ZC3H13: variants seen among roughly 807,000 people sequenced by gnomAD.
ZC3H13 encodes the protein zinc finger CCCH-type containing 13.
Under a neutral mutation model 204.1 loss-of-function variants are expected in ZC3H13, and 64 were observed. That is an observed-to-expected ratio of 0.31 (90% confidence interval 0.26 to 0.39). ZC3H13 has a LOEUF of 0.39. Among genes scored for constraint, ZC3H13 ranks in the 10% least tolerant of loss-of-function variants. The pLI is 1.00. For synonymous variants in ZC3H13, 667 were observed against 693.7 expected (o/e 0.96, Z 0.60); for missense variants, 1,833 against 2,082.7 (o/e 0.88, Z 2.33).
At chr13:46,013,165 C>T (rs570346758) in intron 5 of ZC3H13, among the ~76,000 whole-genome samples, 2 of 152,280 alleles carry the variant, frequency 1.3e-5, no homozygotes, top group Admixed American at 1.3e-4. Context: ...CCTGTAAGCT[C>T]AGCACTTTGG....
At chr13:45,976,203 C>T (rs1173637012) in intron 11 of ZC3H13, 1 of 985,040 alleles carries the variant, frequency 1.0e-6, no homozygotes, top group Non-Finnish European at 1.2e-6. Flanking sequence ...TCTGTCCCCC[C>T]AGCAGGACCT....
At position 45,979,871 on chromosome 13, in the gene ZC3H13, C is replaced by T. The variant is rs1389036306; in HGVS notation, c.1854G>A (p.Arg618=). ...YPERDNRDQA[R]DSSFERRHGE... ...CATGTCTTCTCTCAAAGGAAGAATC[C>T]CTTGCTTGATCTCTGTTGTCTCTTT... Residue 618 remains arginine (R), a synonymous_variant, in exon 11 of 19, where the codon AGG becomes AGA. Coordinates refer to ENST00000679008, the MANE Select transcript of ZC3H13 (RefSeq NM_001330564.2). The T allele has an allele frequency of 6.2e-7, 1 of 1,607,564 alleles. No individual in the cohort carries two copies. Among genetic ancestry groups the T allele is most frequent in the Admixed American group, 1.7e-5 (1 of 59,310 alleles).
chr13:45,995,581 C>T (rs1349608480), intron 8 of ZC3H13, among the ~76,000 whole-genome samples: 3 of 152,212 alleles, frequency 2.0e-5, no homozygotes, highest in Non-Finnish European at 2.9e-5. Flanking sequence ...TACACCCACA[C>T]CCCACATTAT....
chr13:45,959,383 C>T (rs2137723007), intron 18 of ZC3H13, 100 bp downstream of exon 18: 1 of 1,228,364 alleles, frequency 8.1e-7, no homozygotes, highest in African/African-American at 1.6e-5. Context: ...AAACCAAACT[C>T]ATAAAAACAT....
At chr13:46,048,846 T>G (rs118114921) in intron 1 of ZC3H13, among the ~76,000 whole-genome samples, 5 of 152,044 alleles carry the variant, frequency 3.3e-5, no homozygotes, top group Non-Finnish European at 7.4e-5. Context: ...TAAGTAAAAA[T>G]GTGGCCAAGC....
intron 12 of ZC3H13, among the ~76,000 whole-genome samples, chr13:45,970,748 G>T (rs1952517303): frequency 6.6e-6 from 1 of 152,048 alleles, no homozygotes. Context: ...CTGTAAGGTG[G>T]TAACATGCAG....
intron 6 of ZC3H13, 38 bp from the exon 7 acceptor site, chr13:46,010,543 C>T: frequency 1.3e-6 from 2 of 1,585,296 alleles, no homozygotes; most frequent in South Asian, 2.2e-5. Context: ...AGAAATTCCT[C>T]CACTTATGGT....
At chr13:45,987,914 A>G (rs924492433) in intron 9 of ZC3H13, among the ~76,000 whole-genome samples, 14 of 152,214 alleles carry the variant, frequency 9.2e-5, no homozygotes, top group Non-Finnish European at 1.8e-4. Flanking sequence ...GCCAGGTAAC[A>G]ATAAAATCTC....
At chr13:46,005,629 A>ATAGG (rs1466704265) in intron 7 of ZC3H13, among the ~76,000 whole-genome samples, 3 of 152,110 alleles carry the variant, frequency 2.0e-5, no homozygotes, top group Non-Finnish European at 4.4e-5. Context: ...AGCTAGGAGT[A>ATAGG]TAGGTGCATA....
chr13:46,028,903 AC>A (rs1301666913), intron 4 of ZC3H13, among the ~76,000 whole-genome samples: 1 of 152,138 alleles, frequency 6.6e-6, no homozygotes, highest in Non-Finnish European at 1.5e-5. Flanking sequence ...AACAAAAAGA[AC>A]AAATTAAACC....
intron 16 of ZC3H13, 151 bp downstream of exon 16, chr13:45,965,128 AT>A: frequency 4.2e-6 from 4 of 951,950 alleles, no homozygotes; most frequent in Non-Finnish European, 6.0e-6. Context: ...ATAGGCTATA[AT>A]TTTCATTTTA....
At chr13:46,037,422 C>G (rs2043278829) in intron 4 of ZC3H13, among the ~76,000 whole-genome samples, 1 of 152,066 alleles carries the variant, frequency 6.6e-6, no homozygotes. Context: ...GATAAGGATG[C>G]CCTACAGCAC....
intron 7 of ZC3H13, among the ~76,000 whole-genome samples, chr13:46,009,927 GT>G (rs2041426396): frequency 6.6e-6 from 1 of 152,062 alleles, no homozygotes; most frequent in Non-Finnish European, 1.5e-5. Context: ...AAGGTTATAT[GT>G]ATCAATATAA....
In ZC3H13 at chr13:46,003,189, C is replaced by T. The variant is rs2040873015; in HGVS notation, c.894G>A (p.Lys298=). The change falls in exon 8 of 19, where the codon AAG becomes AAA. Residue 298 remains lysine, a synonymous_variant. Coordinates refer to ENST00000679008, the MANE Select transcript of ZC3H13 (RefSeq NM_001330564.2). ...DRIEEKTRDG[K]DRGRDFERQR... ...GTCGTTCAAAATCTCGTCCTCTGTCCTTTCCATCTCTTGTTTTTTCTTCTA... is the reference window on the plus strand; with the variant it reads ...GTCGTTCAAAATCTCGTCCTCTGTCTTTTCCATCTCTTGTTTTTTCTTCTA... The T allele has an allele frequency of 6.2e-7, 1 of 1,612,588 alleles. No individual in the cohort carries two copies. Among genetic ancestry groups the T allele is most frequent in the Non-Finnish European group, 8.5e-7 (1 of 1,179,714 alleles).
intron 8 of ZC3H13, among the ~76,000 whole-genome samples, chr13:46,000,441 A>G (rs2040662000): frequency 6.6e-6 from 1 of 152,124 alleles, no homozygotes; most frequent in South Asian, 2.1e-4. Flanking sequence ...TGCTACGGAG[A>G]TGGCTTCATT....
At chr13:45,964,350 C>A (rs1197575838) in intron 16 of ZC3H13, among the ~76,000 whole-genome samples, 1 of 152,200 alleles carries the variant, frequency 6.6e-6, no homozygotes, top group Non-Finnish European at 1.5e-5. Flanking sequence ...TGGGTCTGAT[C>A]TTTTGAAACT....
chr13:46,015,544 C>A (rs982846319), intron 5 of ZC3H13, among the ~76,000 whole-genome samples: 3 of 152,062 alleles, frequency 2.0e-5, no homozygotes, highest in Non-Finnish European at 2.9e-5. Context: ...GATGTACTAA[C>A]CTCCAAGATT....
chr13:46,050,570 G>A (rs1182201932), intron 1 of ZC3H13, among the ~76,000 whole-genome samples: 1 of 152,068 alleles, frequency 6.6e-6, no homozygotes, highest in Non-Finnish European at 1.5e-5. Context: ...GATTAAAAAG[G>A]TGATACTAAA....
At chr13:46,015,814 A>C (rs1288462579) in intron 5 of ZC3H13, among the ~76,000 whole-genome samples, 1 of 152,114 alleles carries the variant, frequency 6.6e-6, no homozygotes, top group African/African-American at 2.4e-5. Context: ...TGAACATTCA[A>C]TTTATTCTTT....
Sources: allele counts gnomAD v4.1 joint callset (sites outside exome capture counted in the v4.1 genomes callset), GRCh38; gene constraint gnomAD v4.1.1; transcripts MANE v1.5; gene names NCBI Gene and HGNC (gene_info 2026-07-23, HGNC 2026-07-21).